ENPEP: variants seen among roughly 807,000 people sequenced by gnomAD.
ENPEP encodes the protein AP-A.
Under a neutral mutation model 114.5 loss-of-function variants are expected in ENPEP, and 103 were observed. That is an observed-to-expected ratio of 0.90 (90% CI 0.77 to 1.06). ENPEP has a LOEUF of 1.06. ENPEP is among the 50% of genes least tolerant of loss of function. The pLI is 0.00. For missense variants in ENPEP, 1,196 were observed against 1,161.3 expected (o/e 1.03, Z -0.43); for synonymous variants, 420 against 422.0 (o/e 1.00, Z 0.06).
At chr4:110,541,138 A>G (rs1726832269) in intron 11 of ENPEP, among the ~76,000 whole-genome samples, 1 of 152,172 alleles carries the variant, frequency 6.6e-6, no homozygotes, top group South Asian at 2.1e-4. Flanking sequence ...ATGACAAAGA[A>G]AGAGAAATTC....
At chr4:110,506,824 T>G in intron 4 of ENPEP, 67 bp downstream of exon 4, 1 of 1,248,130 alleles carries the variant, frequency 8.0e-7, no homozygotes, top group Non-Finnish European at 1.1e-6. Context: ...TTAACTCATT[T>G]CTTCTAATTA....
Position 110,562,746 on chromosome 4 carries a change from A to G in ENPEP, c.*1188A>G, listed in dbSNP as rs1355429773. ...ATGGCACTTGATACCTCCTAGATCC[A>G]TAATGTAAGTCCAATAGGCAGAAAA... On this transcript the variant is annotated 3_prime_UTR_variant, in exon 20 of 20. Coordinates refer to ENST00000265162, the MANE Select transcript of ENPEP (RefSeq NM_001977.4). 2 of 152,200 alleles carry G rather than the reference A, an allele frequency of 1.3e-5. No individual in the cohort carries two copies. Among genetic ancestry groups the G allele is most frequent in the African/African-American group, 2.4e-5 (1 of 41,470 alleles). 9.4% of individuals were successfully genotyped at this position (152,200 alleles called of 1,614,324 possible).
chr4:110,496,747 C>T (rs1471493059), intron 3 of ENPEP, among the ~76,000 whole-genome samples: 1 of 152,174 alleles, frequency 6.6e-6, no homozygotes, highest in Non-Finnish European at 1.5e-5. Context: ...CAAGATTAGA[C>T]TGAGGCTTTG....
intron 8 of ENPEP, among the ~76,000 whole-genome samples, chr4:110,517,240 C>G (rs553490154): frequency 1.7e-4 from 26 of 152,074 alleles, no homozygotes; most frequent in Non-Finnish European, 2.4e-4. Context: ...GTGCCCTGCC[C>G]ATTGTAAGCA....
chr4:110,516,423 C>G (rs1725771750), intron 8 of ENPEP, among the ~76,000 whole-genome samples: 1 of 152,132 alleles, frequency 6.6e-6, no homozygotes, highest in African/African-American at 2.4e-5. Context: ...CCCATTCCAG[C>G]CTAGAAATGA....
rs1405672438 is a variant in ENPEP at position 110,477,070 on chromosome 4, T to C, written c.644+12T>C. 4 of 1,605,926 alleles carry C rather than the reference T, an allele frequency of 2.5e-6. No homozygotes were observed. In the East Asian group the frequency reaches 8.9e-5, roughly 36 times the overall value. ...AACGGACAAGTCAAGTAAATATTAATTTTTGCTTTACCTCCCTTAAGCTCA... is the reference window on the plus strand; with the variant it reads ...AACGGACAAGTCAAGTAAATATTAACTTTTGCTTTACCTCCCTTAAGCTCA... On this transcript the variant is annotated intron_variant, in intron 1 of 19. Transcript: ENST00000265162.
Position 110,489,093 on chromosome 4 carries a change from T to TA in ENPEP, c.786+414dup, listed in dbSNP as rs1438153628. On this transcript the variant is annotated intron_variant, in intron 2 of 19. Transcript: ENST00000265162. Reference sequence around the variant, plus strand: ...TTTTGTTTTGTTTTTTTGAAAAAGATAAAGCTACTATTTAAAAAAATCATC... The same window carrying TA: ...TTTTGTTTTGTTTTTTTGAAAAAGATAAAAGCTACTATTTAAAAAAATCATC... Among the ~76,000 whole-genome samples, 6 of 152,048 alleles carry TA rather than the reference T, an allele frequency of 3.9e-5. No homozygotes were observed. In the East Asian group the frequency reaches 9.7e-4, roughly 24 times the overall value.
chr4:110,532,543 A>G (rs915431015), intron 11 of ENPEP, among the ~76,000 whole-genome samples: 6 of 152,082 alleles, frequency 3.9e-5, no homozygotes, highest in Non-Finnish European at 7.4e-5. Flanking sequence ...TTTGTCTGTT[A>G]TGAATAATGC....
At chr4:110,508,682 G>A (rs903678727) in intron 4 of ENPEP, among the ~76,000 whole-genome samples, 1 of 151,928 alleles carries the variant, frequency 6.6e-6, no homozygotes, top group Admixed American at 6.6e-5. Context: ...GCGGTGGCGG[G>A]CGCCTGTAGT....
chr4:110,485,812 A>T (rs1051867898), intron 1 of ENPEP, among the ~76,000 whole-genome samples: 1 of 152,038 alleles, frequency 6.6e-6, no homozygotes, highest in African/African-American at 2.4e-5. Flanking sequence ...TAAAAATGCA[A>T]GTTAAGTTTT....
chr4:110,477,124 C>G (rs1724144499), intron 1 of ENPEP, 66 bp downstream of exon 1: 1 of 1,528,084 alleles, frequency 6.5e-7, no homozygotes, highest in Admixed American at 2.1e-5. Context: ...CTTTTCCTTT[C>G]CTTTTCACTT....
intron 17 of ENPEP, among the ~76,000 whole-genome samples, chr4:110,552,320 G>A (rs1230276014): frequency 1.3e-5 from 2 of 152,100 alleles, no homozygotes; most frequent in African/African-American, 2.4e-5. Context: ...CTTTATTTAA[G>A]CTTGAGTTTT....
chr4:110,510,195 C>G, intron 5 of ENPEP, 50 bp from the exon 6 acceptor site: 1 of 1,485,700 alleles, frequency 6.7e-7, no homozygotes, highest in Middle Eastern at 1.7e-4. Flanking sequence ...CTAGGCCTCT[C>G]TACCATACCC....
chr4:110,551,549 T>C (rs1177243708), intron 17 of ENPEP, among the ~76,000 whole-genome samples: 2 of 152,170 alleles, frequency 1.3e-5, no homozygotes, highest in Non-Finnish European at 2.9e-5. Flanking sequence ...CCTTTCTTAT[T>C]TGAAACATGT....
chr4:110,502,079 A>G (rs1163940279), intron 3 of ENPEP, among the ~76,000 whole-genome samples: 1 of 152,082 alleles, frequency 6.6e-6, no homozygotes, highest in African/African-American at 2.4e-5. Context: ...CATATGTGAA[A>G]AGTGTCTTTT....
At chr4:110,537,883 C>G (rs1334984699) in intron 11 of ENPEP, among the ~76,000 whole-genome samples, 1 of 152,148 alleles carries the variant, frequency 6.6e-6, no homozygotes, top group East Asian at 1.9e-4. Flanking sequence ...TCATGGATGA[C>G]CAGGCACACT....
chr4:110,509,985 T>C (rs1725515448), intron 5 of ENPEP, among the ~76,000 whole-genome samples, 178 bp downstream of exon 5: 1 of 152,238 alleles, frequency 6.6e-6, no homozygotes, highest in Non-Finnish European at 1.5e-5. Context: ...ACCACATTGT[T>C]TTGCCTTTAG....
At chr4:110,541,922 A>AC (rs1726863190) in intron 11 of ENPEP, among the ~76,000 whole-genome samples, 1 of 152,156 alleles carries the variant, frequency 6.6e-6, no homozygotes, top group Admixed American at 6.6e-5. Flanking sequence ...CATAGCTATT[A>AC]TTTTAAGTAC....
At chr4:110,529,029 T>G (rs1314640450) in intron 10 of ENPEP, among the ~76,000 whole-genome samples, 1 of 152,228 alleles carries the variant, frequency 6.6e-6, no homozygotes, top group African/African-American at 2.4e-5. Flanking sequence ...CAACTTTCTA[T>G]CATTTTTATC....
Sources: gnomAD v4.1 joint callset for allele counts (sites outside exome capture counted in the v4.1 genomes callset) on GRCh38, gnomAD v4.1.1 for gene constraint, MANE v1.5 for transcripts, NCBI Gene and HGNC (gene_info 2026-07-23, HGNC 2026-07-21) for gene names.